Variants in SUN2 observed in about 807,000 individuals in gnomAD.
SUN2 encodes SUN domain-containing protein 2.
Under a neutral mutation model 100.0 loss-of-function variants are expected in SUN2, and 60 were observed. The observed-to-expected ratio is 0.60, with a 90% CI of 0.49 to 0.74. The LOEUF is 0.74. SUN2 is among the 30% of genes least tolerant of loss of function. The probability of loss-of-function intolerance (pLI) is 0.00; values close to 1 mark genes in which losing one functional copy is unlikely to be tolerated. For synonymous variants in SUN2, 367 were observed against 403.3 expected, an observed-to-expected ratio of 0.91 and a Z score of 1.08; for missense variants, 834 against 954.6, an observed-to-expected ratio of 0.87 and a Z score of 1.66.
Position 38,738,280 on chromosome 22 carries a change from G to A in SUN2, c.1948-15C>T. On this transcript the variant is annotated splice_polypyrimidine_tract_variant and intron_variant, in intron 16 of 17. Transcript: ENST00000689035. This position sits in a 1 kb window ranked among gnomAD's most constrained non-coding sequence, Gnocchi z 6.6. ...TCGTCAAACCCCTGCAAAGAGAGCG[G>A]AGGGAAGTGGGGAGGGGCTGGAGCA... 1 of 1,609,894 alleles carries A rather than the reference G, an allele frequency of 6.2e-7. No individual in the cohort carries two copies. The highest frequency in any genetic ancestry group is 8.5e-7 in the Non-Finnish European group (1 of 1,176,792).
Position 38,750,920 on chromosome 22 carries a change from G to GT in SUN2, c.401dup (p.Tyr134Ter), listed in dbSNP as rs1569305098. The change falls in exon 4 of 18, where the codon TAC (tyrosine) becomes TAAC (stop). Residue 134 changes from tyrosine (Y) to a stop codon, truncating the protein, a stop_gained and frameshift_variant. Coordinates refer to ENST00000689035, the MANE Select transcript of SUN2 (RefSeq NM_015374.3). LOFTEE classifies it high-confidence loss of function. ...TACCCACGTAGTCGTCCTCAGAGGA[G>GT]TAGCCCGAGGAAGAGCCCAGGAAGT... is the stretch of plus-strand genomic sequence containing the variant. ...TEDFLGSSSG[Y>*]SSEDDYVGYS... 6.2e-7 allele frequency: 1 copy of GT among 1,614,072 alleles called. No homozygotes were observed. The highest frequency in any genetic ancestry group is 1.1e-5 in the South Asian group (1 of 91,088).
At position 38,739,275 on chromosome 22, in the gene SUN2, TA is replaced by T; in HGVS notation, c.1663+66del. 1 of 1,531,300 alleles carries T rather than the reference TA, an allele frequency of 6.5e-7. No individual in the cohort carries two copies. Among genetic ancestry groups the T allele is most frequent in the Non-Finnish European group, 9.0e-7 (1 of 1,105,804 alleles). 94.9% of individuals were successfully genotyped at this position (1,531,300 alleles called of 1,614,324 possible). ...TTGCTCTGCCCCACCACCAACCTGG[TA>T]GATGCCAGGGGACCGGCCATTGCGG... On this transcript the variant is annotated intron_variant, in intron 14 of 17. Transcript: ENST00000689035. This position sits in a 1 kb window ranked among gnomAD's most constrained non-coding sequence, Gnocchi z 6.7.
chr22:38,738,342 C>T lies in SUN2; in HGVS notation c.1948-77G>A, dbSNP rs1488926595. 1.5e-6 allele frequency: 2 copies of T among 1,324,626 alleles called. No individual in the cohort carries two copies. Among genetic ancestry groups the T allele is most frequent in the African/African-American group, 1.5e-5 (1 of 68,830 alleles). The allele number at this position is 1,324,626 out of a possible 1,614,324, so 82.1% of individuals were successfully genotyped here. ...CCTCCCCACTCCAATCCCTGCTCCT[C>T]CCACCCAGCAGGTCAGGCACCAGAG... On this transcript the variant is annotated intron_variant, in intron 16 of 17. Coordinates refer to ENST00000689035, the MANE Select transcript of SUN2 (RefSeq NM_015374.3). This position sits in a 1 kb window ranked among gnomAD's most constrained non-coding sequence, Gnocchi z 6.6.
intron 8 of SUN2, chr22:38,743,173 C>T (rs527363235): frequency 6.6e-6 from 1 of 152,220 alleles, no homozygotes; most frequent in Non-Finnish European, 1.5e-5. Flanking sequence ...ACAACAAAAT[C>T]ATTGCCAAGA....
intron 17 of SUN2, chr22:38,736,670 G>T: frequency 3.9e-6 from 1 of 254,694 alleles, no homozygotes. Flanking sequence ...TTCATAGAGG[G>T]CTTCATAGAT....
chr22:38,742,565 C>G lies in SUN2; in HGVS notation c.814-10G>C. 1 of 1,602,150 alleles carries G rather than the reference C, an allele frequency of 6.2e-7. No homozygotes were observed. Among genetic ancestry groups the G allele is most frequent in the East Asian group, 2.2e-5 (1 of 44,610 alleles). Reference sequence around the variant, plus strand: ...TAACACGCTGCTCAGCCTGGAAGGGCAGAGAGAGAGCCACGGAGTGAGGGA... The same window carrying G: ...TAACACGCTGCTCAGCCTGGAAGGGGAGAGAGAGAGCCACGGAGTGAGGGA... On this transcript the variant is annotated splice_polypyrimidine_tract_variant and intron_variant, in intron 8 of 17. Transcript: ENST00000689035.
Position 38,738,476 on chromosome 22 carries a change from A to G in SUN2, c.1947+111T>C, listed in dbSNP as rs1371784116. The G allele has an allele frequency of 4.2e-6, 6 of 1,441,266 alleles. No homozygotes were observed. Among genetic ancestry groups the G allele is most frequent in the African/African-American group, 1.4e-5 (1 of 70,582 alleles). 89.3% of individuals were successfully genotyped at this position (1,441,266 alleles called of 1,614,324 possible). On this transcript the variant is annotated intron_variant, in intron 16 of 17. Transcript: ENST00000689035. This position sits in a 1 kb window ranked among gnomAD's most constrained non-coding sequence, Gnocchi z 6.6. ...CCCACCCTAGCTCCTCCTCTTCCAA[A>G]TCCACTCCCCTCCCTTCCAGTCCAA...
Position 38,742,447 on chromosome 22 carries a change from G to T in SUN2, c.922C>A (p.Leu308Met). Residue 308 changes from leucine (L) to methionine (M), a missense_variant, in exon 9 of 18, where the codon CTG becomes ATG. Physicochemically the swap from Leu to Met is conservative, Grantham distance 15. Coordinates refer to ENST00000689035, the MANE Select transcript of SUN2 (RefSeq NM_015374.3). ...CCAGGAGCCCCTTGCCGCAGCTCCA[G>T]ACGTTCCAGCCGCATGGCCTCCTTC... ...WQKEAMRLER[L>M]ELRQGAPGQG... The T allele has an allele frequency of 6.2e-7, 1 of 1,613,616 alleles. No homozygotes were observed. The highest frequency in any genetic ancestry group is 8.5e-7 in the Non-Finnish European group (1 of 1,180,006).
chr22:38,751,105 A>G, intron 3 of SUN2, 70 bp from the exon 4 acceptor site: 1 of 1,609,620 alleles, frequency 6.2e-7, no homozygotes, highest in Non-Finnish European at 8.5e-7. Flanking sequence ...CTGGGCAGAG[A>G]GGTGCTCTGA....
At chr22:38,754,581 T>A (rs1487080919) in intron 1 of SUN2, 2 of 1,092,528 alleles carry the variant, frequency 1.8e-6, no homozygotes, top group Non-Finnish European at 2.5e-6. Flanking sequence ...CTTGTCTCTA[T>A]TCCTGTCCTT....
chr22:38,741,721 G>A (rs182017997), intron 9 of SUN2, 150 bp from the exon 10 acceptor site: 77 of 684,864 alleles, frequency 1.1e-4, no homozygotes, highest in African/African-American at 1.6e-4. Flanking sequence ...CAAGACTCCC[G>A]CTTCAGCTCC....
At chr22:38,746,759 C>T (rs561314457) in intron 7 of SUN2, among the ~76,000 whole-genome samples, 45 of 152,172 alleles carry the variant, frequency 3.0e-4, no homozygotes, top group African/African-American at 8.4e-4. Flanking sequence ...GGGCCGGGCG[C>T]GGTGGCTCAC....
chr22:38,753,684 C>G (rs532091614), intron 1 of SUN2, among the ~76,000 whole-genome samples: 1 of 152,090 alleles, frequency 6.6e-6, no homozygotes, highest in African/African-American at 2.4e-5. Context: ...CTGCTGGGAC[C>G]GGGCTCCTTG....
chr22:38,737,044 G>A lies in SUN2; in HGVS notation c.2041-664C>T, dbSNP rs938077796. On this transcript the variant is annotated intron_variant, in intron 17 of 17. Coordinates refer to ENST00000689035, the MANE Select transcript of SUN2 (RefSeq NM_015374.3). The surrounding 1 kb of genome is among the most constrained non-coding windows in gnomAD (Gnocchi z 4.1). ...ACATTTTTTGTAGAGTCGGGATCTCGCTGTGTTCACCAGCCTGGTCTTGAA... is the reference window on the plus strand; with the variant it reads ...ACATTTTTTGTAGAGTCGGGATCTCACTGTGTTCACCAGCCTGGTCTTGAA... Among the ~76,000 whole-genome samples, 2 of 152,112 alleles carry A rather than the reference G, an allele frequency of 1.3e-5. No individual in the cohort carries two copies. The highest frequency in any genetic ancestry group is 2.4e-5 in the African/African-American group (1 of 41,404).
rs528746676 is a variant in SUN2 at position 38,741,532 on chromosome 22, A to G, written c.1108T>C (p.Ser370Pro). 5.6e-6 allele frequency: 9 copies of G among 1,613,994 alleles called. No homozygotes were observed. The highest frequency in any genetic ancestry group is 7.6e-6 in the Non-Finnish European group (9 of 1,180,010). Residue 370 changes from serine (S) to proline (P), a missense_variant, in exon 10 of 18, where the codon TCA (serine) becomes CCA (proline). Physicochemically the swap from Ser to Pro is moderately conservative, Grantham distance 74. This residue lies in a region of SUN2 where 559 missense variants were observed against 597.7 expected (regional missense o/e 0.94). Transcript: ENST00000689035. ...SALRAEHQQD[S>P]EDLFKKIVRA... The stretch of plus-strand genomic sequence containing the variant: ...ACGATCTTCTTGAAGAGGTCTTCTG[A>G]GTCTTGCTGATGCTCTGCTCTCAGG...
At chr22:38,736,998 C>T (rs2092811428) in intron 17 of SUN2, among the ~76,000 whole-genome samples, 1 of 152,184 alleles carries the variant, frequency 6.6e-6, no homozygotes, top group Non-Finnish European at 1.5e-5. Context: ...TGCATGTCAC[C>T]ACACCCGGCT....
intron 8 of SUN2, chr22:38,745,253 C>A (rs985017017): frequency 1.3e-5 from 6 of 462,788 alleles, no homozygotes; most frequent in Non-Finnish European, 4.5e-6. Context: ...CCAGCTGACC[C>A]CCCCAGCCAA....
chr22:38,736,357 CTGGTACG>C lies in SUN2; in HGVS notation c.2057_2063del (p.Thr686ArgfsTer8). ...TAGTCAGGATCCGCAGCTCCACCAC[CTGGTACG>C]TGGCCATCGTAGGGGCCTGGGTAGA... is the stretch of plus-strand genomic sequence containing the variant. On this transcript the variant is annotated frameshift_variant, in exon 18 of 18. Transcript: ENST00000689035. LOFTEE classifies it high-confidence loss of function. 2.5e-6 allele frequency: 4 copies of C among 1,613,890 alleles called. No individual in the cohort carries two copies. Among genetic ancestry groups the C allele is most frequent in the Non-Finnish European group, 3.4e-6 (4 of 1,179,844 alleles).
At chr22:38,742,185 G>C (rs1569298214) in intron 9 of SUN2, 116 bp downstream of exon 9, 4 of 1,324,916 alleles carry the variant, frequency 3.0e-6, no homozygotes, top group Non-Finnish European at 4.1e-6. Context: ...GGGAGTAACT[G>C]CAAAATGGCA....
Sources: allele counts gnomAD v4.1 joint callset (sites outside exome capture counted in the v4.1 genomes callset), GRCh38; gene constraint gnomAD v4.1.1; regional missense constraint gnomAD v4.1.1; non-coding constraint Gnocchi (gnomAD v3.1); transcripts MANE v1.5; gene names NCBI Gene and HGNC (gene_info 2026-07-23, HGNC 2026-07-21).